The following POC1A variants were observed in gnomAD, a reference collection of about 807,000 sequenced individuals.
The protein encoded by POC1A is POC1 centriolar protein homolog A.
In POC1A, 34 loss-of-function variants were observed where a neutral mutation model predicts 47.8. The ratio of observed to expected loss-of-function variants is 0.71; its 90% CI spans 0.54 to 0.95. POC1A has a LOEUF of 0.95. Ranked by LOEUF, POC1A falls within the 40% of genes least tolerant of loss-of-function variation. POC1A has a pLI of 0.00. For synonymous variants in POC1A, 177 were observed against 207.6 expected (o/e 0.85, Z 1.27); for missense variants, 466 against 528.3 (o/e 0.88, Z 1.16).
chr3:52,131,632 T>C (rs1045838853), intron 7 of POC1A, among the ~76,000 whole-genome samples: 1 of 152,096 alleles, frequency 6.6e-6, no homozygotes, highest in Non-Finnish European at 1.5e-5. Flanking sequence ...CACATGGACA[T>C]GTACACCAAG....
intron 9 of POC1A, among the ~76,000 whole-genome samples, chr3:52,097,187 C>CA: frequency 1.3e-5 from 2 of 152,380 alleles, no homozygotes; most frequent in African/African-American, 4.8e-5. Flanking sequence ...CCAGGCTTCA[C>CA]AAATGCCTTT....
intron 7 of POC1A, among the ~76,000 whole-genome samples, chr3:52,126,892 C>G (rs1203282697): frequency 2.0e-5 from 3 of 152,220 alleles, no homozygotes; most frequent in African/African-American, 7.2e-5. Context: ...TATGCCCCAC[C>G]TCCCAACAAC....
At chr3:52,114,240 G>A (rs369764714) in intron 9 of POC1A, among the ~76,000 whole-genome samples, 59 of 152,348 alleles carry the variant, frequency 3.9e-4, no homozygotes, top group African/African-American at 1.4e-3. Context: ...ATGCTTGTAA[G>A]CTGCCTTTTC....
At position 52,106,109 on chromosome 3, in the gene POC1A, G is replaced by T. The variant is rs945307970; in HGVS notation, c.982-9397C>A. Among the ~76,000 whole-genome samples the T allele has an allele frequency of 5.5e-5, 8 of 145,288 alleles. No individual in the cohort carries two copies. The South Asian group carries it at 1.7e-3, about 32-fold the overall frequency. On this transcript the variant is annotated intron_variant, in intron 9 of 10. Transcript: ENST00000296484. ...ACTTGGGAGGCTGAGGCAGGAGAATGACATGAACCTGGGAGGCGGAGCTTG... is the reference window on the plus strand; with the variant it reads ...ACTTGGGAGGCTGAGGCAGGAGAATTACATGAACCTGGGAGGCGGAGCTTG...
At chr3:52,088,929 A>G (rs945192331) in intron 10 of POC1A, among the ~76,000 whole-genome samples, 1 of 138,036 alleles carries the variant, frequency 7.2e-6, no homozygotes, top group African/African-American at 2.7e-5. Flanking sequence ...ATCTCGTATG[A>G]CCGACCATGA....
intron 9 of POC1A, among the ~76,000 whole-genome samples, chr3:52,108,914 C>T (rs1559825132): frequency 6.6e-6 from 1 of 152,206 alleles, no homozygotes; most frequent in Non-Finnish European, 1.5e-5. Context: ...GATGCCTGGC[C>T]CAAGATAGCT....
chr3:52,077,564 C>A (rs1318932072), intron 10 of POC1A, among the ~76,000 whole-genome samples: 2 of 152,222 alleles, frequency 1.3e-5, no homozygotes. Context: ...CAGAGCTGAG[C>A]TGAAAGAGAC....
chr3:52,100,680 A>C (rs1475617508), intron 9 of POC1A, among the ~76,000 whole-genome samples: 6 of 152,198 alleles, frequency 3.9e-5, no homozygotes, highest in African/African-American at 1.4e-4. Flanking sequence ...CAGAACCCCC[A>C]GGTGCCACAG....
In POC1A at chr3:52,080,780, G is replaced by A. The variant is rs183792410; in HGVS notation, c.1126-4795C>T. ...AGCCCCAAAACATGCTGTGGAACTC[G>A]CCTGGGTCACTGCTGGGTGGCCCAT... On this transcript the variant is annotated intron_variant, in intron 10 of 10. Coordinates refer to ENST00000296484, the MANE Select transcript of POC1A (RefSeq NM_015426.5). Among the ~76,000 whole-genome samples the A allele has an allele frequency of 4.6e-5, 7 of 152,264 alleles. No homozygotes were observed. In the East Asian group the frequency reaches 9.6e-4, roughly 21 times the overall value.
intron 7 of POC1A, among the ~76,000 whole-genome samples, chr3:52,136,501 C>T (rs76002165): frequency 0.015 from 2,230 of 152,230 alleles, 57 homozygotes; most frequent in African/African-American, 0.051. Context: ...TGCCCAGCCC[C>T]GTGAGCTAGA....
At chr3:52,089,164 G>A (rs1347082086) in intron 10 of POC1A, among the ~76,000 whole-genome samples, 1 of 151,956 alleles carries the variant, frequency 6.6e-6, no homozygotes, top group Non-Finnish European at 1.5e-5. Context: ...CAGGCTGCAT[G>A]TCACGAAGGA....
chr3:52,084,133 G>C lies in POC1A; in HGVS notation c.1126-8148C>G, dbSNP rs1702385235. On this transcript the variant is annotated intron_variant, in intron 10 of 10. Coordinates refer to ENST00000296484, the MANE Select transcript of POC1A (RefSeq NM_015426.5). This position sits in a 1 kb window ranked among gnomAD's most constrained non-coding sequence, Gnocchi z 4.3. ...GGTTCCAGAATAAACTCTGGGAGAA[G>C]AGCCTCGACCTAGGAACTGACCACA... Among the ~76,000 whole-genome samples the C allele has an allele frequency of 6.6e-6, 1 of 152,218 alleles. No homozygotes were observed. The highest frequency in any genetic ancestry group is 2.4e-5 in the African/African-American group (1 of 41,450).
chr3:52,147,848 C>G (rs1023026825), intron 4 of POC1A, among the ~76,000 whole-genome samples: 4 of 152,050 alleles, frequency 2.6e-5, no homozygotes, highest in Admixed American at 6.6e-5. Flanking sequence ...CGTTTTCTTA[C>G]GTAGCTTCAT....
At position 52,084,469 on chromosome 3, in the gene POC1A, G is replaced by T. The variant is rs1263254072; in HGVS notation, c.1126-8484C>A. ...CACCCACCACAGGCAGCAAACAAGGGACCCTAGCTCTTGGGGGCTTCCGAG... is the reference window on the plus strand; with the variant it reads ...CACCCACCACAGGCAGCAAACAAGGTACCCTAGCTCTTGGGGGCTTCCGAG... On this transcript the variant is annotated intron_variant, in intron 10 of 10. Transcript: ENST00000296484. The surrounding 1 kb of genome is among the most constrained non-coding windows in gnomAD (Gnocchi z 4.3). Among the ~76,000 whole-genome samples the T allele has an allele frequency of 3.3e-5, 5 of 152,204 alleles. No individual in the cohort carries two copies. The highest frequency in any genetic ancestry group is 1.3e-4 in the Admixed American group (2 of 15,282).
intron 4 of POC1A, among the ~76,000 whole-genome samples, chr3:52,148,721 TA>T (rs1022575959): frequency 5.9e-5 from 9 of 152,308 alleles, no homozygotes; most frequent in African/African-American, 1.9e-4. Flanking sequence ...AGGCAAGCCT[TA>T]CTGTCAGAGA....
At chr3:52,125,046 T>C (rs941013675) in intron 8 of POC1A, 67 bp downstream of exon 8, 13 of 1,284,296 alleles carry the variant, frequency 1.0e-5, no homozygotes, top group African/African-American at 1.5e-5. Context: ...AACACCCTGT[T>C]TGGTTCTGAG....
intron 7 of POC1A, among the ~76,000 whole-genome samples, chr3:52,136,488 T>G (rs1383488672): frequency 6.6e-6 from 1 of 152,170 alleles, no homozygotes; most frequent in Non-Finnish European, 1.5e-5. Context: ...TTCCTATCCC[T>G]GGTGCCCAGC....
At chr3:52,076,115 G>T in intron 10 of POC1A, 130 bp from the exon 11 acceptor site, 1 of 673,266 alleles carries the variant, frequency 1.5e-6, no homozygotes, top group Non-Finnish European at 2.7e-6. Context: ...TCCACCCAGG[G>T]GTTCTGCCAG....
intron 8 of POC1A, among the ~76,000 whole-genome samples, chr3:52,124,106 T>C (rs913091805): frequency 1.3e-5 from 2 of 152,172 alleles, no homozygotes; most frequent in Non-Finnish European, 2.9e-5. Context: ...TATAGGCCAA[T>C]AGGACTTTTC....
Sources: allele counts gnomAD v4.1 joint callset (sites outside exome capture counted in the v4.1 genomes callset), GRCh38; gene constraint gnomAD v4.1.1; non-coding constraint Gnocchi (gnomAD v3.1); transcripts MANE v1.5; gene names NCBI Gene and HGNC (gene_info 2026-07-23, HGNC 2026-07-21).